EYA1: variants seen among roughly 807,000 people sequenced by gnomAD.
EYA1 encodes protein phosphatase EYA1.
A neutral mutation model predicts 82.0 loss-of-function variants in EYA1; 16 were observed. That is an observed-to-expected ratio of 0.20 (90% confidence interval 0.13 to 0.30). The LOEUF (loss-of-function observed/expected upper bound fraction) is 0.30. Among genes scored for constraint, EYA1 ranks in the 10% least tolerant of loss-of-function variants. EYA1 has a pLI of 1.00. For synonymous variants in EYA1, 261 were observed against 264.4 expected (o/e 0.99, Z 0.12); for missense variants, 633 against 730.7 (o/e 0.87, Z 1.54).
chr8:71,361,750 G>A lies in EYA1; in HGVS notation c.-158C>T. 15 of 985,530 alleles carry A rather than the reference G, an allele frequency of 1.5e-5. No homozygotes were observed. Among genetic ancestry groups the A allele is most frequent in the Non-Finnish European group, 1.8e-5 (15 of 829,992 alleles). The allele number at this position is 985,530 out of a possible 1,614,324, so 61.0% of individuals were successfully genotyped here. A position where few individuals can be genotyped will look rare whatever the true frequency, so the allele number is the denominator to read the frequency against. ...TAGTTTTGCTCCTGGATGGGTACGCGCGGGGGCTCTCAGGCGCTCTGGTGC... is the reference window on the plus strand; with the variant it reads ...TAGTTTTGCTCCTGGATGGGTACGCACGGGGGCTCTCAGGCGCTCTGGTGC... On this transcript the variant is annotated 5_prime_UTR_variant, in exon 1 of 18. Transcript: ENST00000340726.
chr8:71,511,367 G>A (rs182643067), intron 2 of EYA1, among the ~76,000 whole-genome samples: 3 of 152,322 alleles, frequency 2.0e-5, no homozygotes, highest in Admixed American at 2.0e-4. Context: ...GATGAGCAAG[G>A]AAATCAGCTG....
intron 12 of EYA1, among the ~76,000 whole-genome samples, chr8:71,233,481 A>G (rs766924684): frequency 5.9e-5 from 9 of 151,442 alleles, no homozygotes; most frequent in South Asian, 2.1e-4. Context: ...GGAGAATGGC[A>G]TGAACCTGGG....
chr8:71,444,328 G>A (rs1424193962), intron 2 of EYA1, among the ~76,000 whole-genome samples: 2 of 152,172 alleles, frequency 1.3e-5, no homozygotes, highest in Admixed American at 6.5e-5. Flanking sequence ...GACATGTGGG[G>A]ACACAGATAT....
intron 12 of EYA1, among the ~76,000 whole-genome samples, chr8:71,230,406 G>T (rs1004344345): frequency 2.6e-5 from 4 of 152,206 alleles, no homozygotes; most frequent in Non-Finnish European, 4.4e-5. Context: ...AGCAGACTGT[G>T]TGAGTGCTGA....
intron 2 of EYA1, among the ~76,000 whole-genome samples, chr8:71,385,875 C>T (rs1828943007): frequency 6.6e-6 from 1 of 152,062 alleles, no homozygotes; most frequent in Non-Finnish European, 1.5e-5. Flanking sequence ...CATAGGGAAA[C>T]ACCTAGGAGG....
chr8:71,518,057 AT>A (rs773094407), intron 2 of EYA1, among the ~76,000 whole-genome samples: 11 of 143,410 alleles, frequency 7.7e-5, no homozygotes, highest in African/African-American at 3.0e-4. Flanking sequence ...CTACAAAAAT[AT>A]TTTTTTTCAA....
chr8:71,248,824 C>T (rs1813409645), intron 11 of EYA1, among the ~76,000 whole-genome samples: 1 of 152,126 alleles, frequency 6.6e-6, no homozygotes, highest in Non-Finnish European at 1.5e-5. Flanking sequence ...AAAAAGCTAA[C>T]ATTGAACAGT....
At chr8:71,261,088 A>G (rs1430436926) in intron 11 of EYA1, among the ~76,000 whole-genome samples, 1 of 152,174 alleles carries the variant, frequency 6.6e-6, no homozygotes, top group African/African-American at 2.4e-5. Flanking sequence ...CCCACAAGGA[A>G]AGGATTAAGG....
At chr8:71,312,127 GA>G (rs1222501984) in intron 7 of EYA1, among the ~76,000 whole-genome samples, 3 of 152,222 alleles carry the variant, frequency 2.0e-5, no homozygotes, top group Admixed American at 2.0e-4. Flanking sequence ...AGTTTTCTAA[GA>G]AGTTTTTTTT....
intron 2 of EYA1, among the ~76,000 whole-genome samples, chr8:71,370,452 A>G (rs529704989): frequency 4.0e-5 from 6 of 150,940 alleles, no homozygotes; most frequent in African/African-American, 1.5e-4. Flanking sequence ...TAAGGAAATT[A>G]TGTGTCCATA....
intron 2 of EYA1, among the ~76,000 whole-genome samples, chr8:71,410,817 C>T (rs1177608366): frequency 6.4e-5 from 9 of 141,194 alleles, no homozygotes; most frequent in East Asian, 2.1e-4. Flanking sequence ...AGGTAATTTA[C>T]AGATTCAATG....
At chr8:71,292,713 A>T (rs1819138716) in intron 9 of EYA1, among the ~76,000 whole-genome samples, 1 of 152,052 alleles carries the variant, frequency 6.6e-6, no homozygotes, top group Non-Finnish European at 1.5e-5. Flanking sequence ...GTGGTAATAA[A>T]AACAAAAATA....
intron 9 of EYA1, among the ~76,000 whole-genome samples, chr8:71,279,717 C>T (rs1817599697): frequency 6.6e-6 from 1 of 152,192 alleles, no homozygotes; most frequent in East Asian, 1.9e-4. Flanking sequence ...CTTCTCTACA[C>T]CAGCTGCACT....
chr8:71,257,170 A>G (rs1227825906), intron 11 of EYA1, among the ~76,000 whole-genome samples: 1 of 152,104 alleles, frequency 6.6e-6, no homozygotes, highest in East Asian at 1.9e-4. Flanking sequence ...CTCTATACAA[A>G]TTAAATAATG....
chr8:71,249,524 A>G lies in EYA1; in HGVS notation c.1051-4832T>C, dbSNP rs561570139. On this transcript the variant is annotated intron_variant, in intron 11 of 17. Coordinates refer to ENST00000340726, the MANE Select transcript of EYA1 (RefSeq NM_000503.6). ...TCATGAGAACATCATGGAGGTAACC[A>G]TCCCCATGATTCAATTATCTCCCAC... 5.3e-5 allele frequency among the ~76,000 whole-genome samples: 8 copies of G among 152,230 alleles called. No individual in the cohort carries two copies. The South Asian group carries it at 1.7e-3, about 32-fold the overall frequency.
At chr8:71,483,248 G>A (rs548146713) in intron 2 of EYA1, among the ~76,000 whole-genome samples, 6 of 152,166 alleles carry the variant, frequency 3.9e-5, no homozygotes, top group African/African-American at 7.2e-5. Context: ...GTTCTTCCTC[G>A]AGATAGCCAC....
intron 4 of EYA1, among the ~76,000 whole-genome samples, chr8:71,328,701 A>C (rs144429985): frequency 4.5e-4 from 69 of 152,266 alleles, no homozygotes; most frequent in African/African-American, 1.6e-3. Flanking sequence ...GATCTTCAAC[A>C]CTTCCATGAA....
intron 2 of EYA1, among the ~76,000 whole-genome samples, chr8:71,517,160 T>C (rs1235653653): frequency 1.3e-5 from 2 of 151,986 alleles, no homozygotes; most frequent in Admixed American, 1.3e-4. Flanking sequence ...ACCTCACATA[T>C]TGGCTTCAAT....
intron 2 of EYA1, among the ~76,000 whole-genome samples, chr8:71,518,550 T>C (rs1482540240): frequency 2.0e-5 from 3 of 152,122 alleles, no homozygotes; most frequent in African/African-American, 4.8e-5. Flanking sequence ...ATATCTACCA[T>C]GCACTCGGCC....
Sources: allele counts gnomAD v4.1 joint callset (sites outside exome capture counted in the v4.1 genomes callset), GRCh38; gene constraint gnomAD v4.1.1; transcripts MANE v1.5; gene names NCBI Gene and HGNC (gene_info 2026-07-23, HGNC 2026-07-21).